Variants in CACNA2D2 observed in about 807,000 individuals in gnomAD.
The protein encoded by CACNA2D2 is calcium voltage-gated channel auxiliary subunit alpha2delta 2.
A neutral mutation model predicts 166.4 loss-of-function variants in CACNA2D2; 48 were observed. That is an observed-to-expected ratio of 0.29 (90% CI 0.23 to 0.37). CACNA2D2 has a LOEUF of 0.37. CACNA2D2 is among the 10% of genes least tolerant of loss of function. CACNA2D2 has a pLI of 1.00. For synonymous variants in CACNA2D2, 561 were observed against 573.7 expected (o/e 0.98, Z 0.32); for missense variants, 1,122 against 1,433.0 (o/e 0.78, Z 3.50).
intron 3 of CACNA2D2, among the ~76,000 whole-genome samples, chr3:50,409,794 CTGGCTGGCTG>C (rs1482609503): frequency 6.6e-6 from 1 of 152,202 alleles, no homozygotes; most frequent in Non-Finnish European, 1.5e-5. Context: ...AAGTGGGCCT[CTGGCTGGCTG>C]TGGATCAGAC....
intron 1 of CACNA2D2, among the ~76,000 whole-genome samples, chr3:50,477,782 T>C (rs1206382159): frequency 6.6e-6 from 1 of 152,112 alleles, no homozygotes; most frequent in Non-Finnish European, 1.5e-5. Flanking sequence ...CCGGGAGCCA[T>C]GGGGTACAGG....
intron 2 of CACNA2D2, among the ~76,000 whole-genome samples, chr3:50,448,047 A>G (rs1268862347): frequency 6.6e-6 from 1 of 152,082 alleles, no homozygotes; most frequent in Non-Finnish European, 1.5e-5. Flanking sequence ...CAGGGCCTTG[A>G]GCCCTCTGAG....
At position 50,367,998 on chromosome 3, in the gene CACNA2D2, C is replaced by T; in HGVS notation, c.2144-96G>A. ...CTTAAGGCTCCACCAGGAGCCTCCTCCATGACCTGGCCCTGGCCCAGGCCC... is the reference window on the plus strand; with the variant it reads ...CTTAAGGCTCCACCAGGAGCCTCCTTCATGACCTGGCCCTGGCCCAGGCCC... On this transcript the variant is annotated intron_variant, in intron 24 of 37. Coordinates refer to ENST00000424201, the MANE Select transcript of CACNA2D2 (RefSeq NM_006030.4). This position sits in a 1 kb window ranked among gnomAD's most constrained non-coding sequence, Gnocchi z 6.5. 8.7e-7 allele frequency: 1 copy of T among 1,154,660 alleles called. No homozygotes were observed. Among genetic ancestry groups the T allele is most frequent in the Non-Finnish European group, 1.3e-6 (1 of 772,922 alleles). 71.5% of individuals were successfully genotyped at this position (1,154,660 alleles called of 1,614,324 possible).
intron 3 of CACNA2D2, among the ~76,000 whole-genome samples, chr3:50,422,571 C>A (rs1015419358): frequency 2.0e-5 from 3 of 152,198 alleles, no homozygotes; most frequent in Non-Finnish European, 4.4e-5. Context: ...AAATGTGAGA[C>A]CCCTTCTTTC....
chr3:50,379,252 G>T lies in CACNA2D2; in HGVS notation c.1153-53C>A. ...GCTCTCAGCCCTCCCTGGTCCAGGG[G>T]CAGGGCCTCCCTCCCGCAGTGGGCC... On this transcript the variant is annotated intron_variant, in intron 11 of 37. Transcript: ENST00000424201. This position sits in a 1 kb window ranked among gnomAD's most constrained non-coding sequence, Gnocchi z 6.5. The T allele has an allele frequency of 6.6e-7, 1 of 1,515,886 alleles. No homozygotes were observed. The highest frequency in any genetic ancestry group is 9.2e-7 in the Non-Finnish European group (1 of 1,092,012). 93.9% of individuals were successfully genotyped at this position (1,515,886 alleles called of 1,614,324 possible).
intron 2 of CACNA2D2, among the ~76,000 whole-genome samples, chr3:50,443,032 G>T (rs919024705): frequency 8.5e-5 from 13 of 152,182 alleles, no homozygotes; most frequent in Admixed American, 1.3e-4. Context: ...CAAACCGCAG[G>T]CAAGAACCAG....
rs779101863 is a variant in CACNA2D2, at chr3:50,367,912, G to T, written c.2144-10C>A. The T allele has an allele frequency of 7.2e-6, 11 of 1,529,830 alleles. No homozygotes were observed. The Admixed American group carries it at 1.4e-4, about 19-fold the overall frequency. 94.8% of individuals were successfully genotyped at this position (1,529,830 alleles called of 1,614,324 possible). A position where few individuals can be genotyped will look rare whatever the true frequency, so the allele number is the denominator to read the frequency against. On this transcript the variant is annotated splice_polypyrimidine_tract_variant and intron_variant, in intron 24 of 37. Coordinates refer to ENST00000424201, the MANE Select transcript of CACNA2D2 (RefSeq NM_006030.4). This position sits in a 1 kb window ranked among gnomAD's most constrained non-coding sequence, Gnocchi z 6.5. The stretch of plus-strand genomic sequence containing the variant: ...AGAAGGAAGTTGTTGCCTGGAACAG[G>T]AGGGGAGGGGTGGGGGTGGGGGCAT...
Position 50,390,061 on chromosome 3 carries a change from C to T in CACNA2D2, c.466-2449G>A, listed in dbSNP as rs587624091. Among the ~76,000 whole-genome samples, 6 of 152,234 alleles carry T rather than the reference C, an allele frequency of 3.9e-5. No individual in the cohort carries two copies. The East Asian group carries it at 1.2e-3, about 29-fold the overall frequency. On this transcript the variant is annotated intron_variant, in intron 4 of 37. Transcript: ENST00000424201. The stretch of plus-strand genomic sequence containing the variant: ...AGGCCTCTGTCTGCTTGGGCCAACA[C>T]AGTACCTGAATGTCTATCAGCAGTG...
chr3:50,411,091 CTGTGGCTCCAGGACCTAT>C (rs1706991968), intron 3 of CACNA2D2, among the ~76,000 whole-genome samples: 2 of 152,192 alleles, frequency 1.3e-5, no homozygotes, highest in Non-Finnish European at 2.9e-5. Context: ...GCTCACTGGG[CTGTGGCTCCAGGACCTAT>C]AGGCTCCACC....
chr3:50,447,777 C>T (rs1300443642), intron 2 of CACNA2D2, among the ~76,000 whole-genome samples: 2 of 152,176 alleles, frequency 1.3e-5, no homozygotes, highest in African/African-American at 2.4e-5. Flanking sequence ...CAGAACTCCA[C>T]ACCCCAGGCC....
chr3:50,370,437 G>A, intron 22 of CACNA2D2, 57 bp from the exon 23 acceptor site: 1 of 540,560 alleles, frequency 1.8e-6, no homozygotes. Context: ...AGGCCGGGGG[G>A]CTCAGAGCTG....
rs773135070 is a variant in CACNA2D2 at position 50,367,367 on chromosome 3, T to C, written c.2401+27A>G. On this transcript the variant is annotated intron_variant, in intron 27 of 37. Coordinates refer to ENST00000424201, the MANE Select transcript of CACNA2D2 (RefSeq NM_006030.4). This position sits in a 1 kb window ranked among gnomAD's most constrained non-coding sequence, Gnocchi z 6.5. ...AGGGAAGCTGAGGCTCCCTGCCTGC[T>C]GCTGGGCACACTGCGGGGACACTCA... The C allele has an allele frequency of 1.3e-6, 2 of 1,597,924 alleles. No individual in the cohort carries two copies. The highest frequency in any genetic ancestry group is 2.7e-5 in the African/African-American group (2 of 74,734).
In CACNA2D2 at chr3:50,367,836, A is replaced by G. The variant is rs1402627634; in HGVS notation, c.2210T>C (p.Val737Ala). Residue 737 changes from valine (V) to alanine (A), a missense_variant, in exon 25 of 38, where the codon GTG (valine) becomes GCG (alanine). Val to Ala is a moderately conservative substitution (Grantham distance 64, BLOSUM62 0). Around this residue, in one of 2 missense-constraint regions of CACNA2D2, gnomAD observed 840 missense variants for 1,166.8 expected, o/e 0.72. Transcript: ENST00000424201. The surrounding 1 kb of genome is among the most constrained non-coding windows in gnomAD (Gnocchi z 6.5). The stretch of plus-strand genomic sequence containing the variant: ...CGTGTTGAGATCCTGGTCCCTCCAC[A>G]CACGCTCTACCAGCTGCTGCGTGAT... Reference protein sequence around the residue: ...TGITQQLVERVWRDQDLNTYS... With the variant: ...TGITQQLVERAWRDQDLNTYS... 1 of 1,584,402 alleles carries G rather than the reference A, an allele frequency of 6.3e-7. No homozygotes were observed. Among genetic ancestry groups the G allele is most frequent in the African/African-American group, 1.4e-5 (1 of 72,374 alleles).
intron 2 of CACNA2D2, among the ~76,000 whole-genome samples, chr3:50,440,994 C>T (rs1708564993): frequency 6.6e-6 from 1 of 151,452 alleles, no homozygotes; most frequent in Non-Finnish European, 1.5e-5. Context: ...GCAGTAGCGC[C>T]AGGTGCAAAG....
In CACNA2D2 at chr3:50,376,077, A is replaced by G. The variant is rs1704968445; in HGVS notation, c.1701+37T>C. On this transcript the variant is annotated intron_variant, in intron 18 of 37. Transcript: ENST00000424201. This position sits in a 1 kb window ranked among gnomAD's most constrained non-coding sequence, Gnocchi z 4.3. ...GGAAGTCAGAAGTCCCCATTGTGGA[A>G]GGTTTGCCCACCCTCCAGGCCACCC... 1 of 1,613,068 alleles carries G rather than the reference A, an allele frequency of 6.2e-7. No homozygotes were observed. The highest frequency in any genetic ancestry group is 1.1e-5 in the South Asian group (1 of 91,078).
intron 2 of CACNA2D2, among the ~76,000 whole-genome samples, chr3:50,449,532 T>A (rs1444134603): frequency 6.6e-6 from 1 of 152,052 alleles, no homozygotes; most frequent in African/African-American, 2.4e-5. Flanking sequence ...AGGGGGTGAC[T>A]GTGGATTTTA....
chr3:50,399,555 C>A (rs1706339207), intron 3 of CACNA2D2, among the ~76,000 whole-genome samples: 1 of 152,094 alleles, frequency 6.6e-6, no homozygotes, highest in South Asian at 2.1e-4. Context: ...CAGGATATCA[C>A]CAGGTGTGGT....
At chr3:50,493,198 T>C (rs954023191) in intron 1 of CACNA2D2, among the ~76,000 whole-genome samples, 1 of 152,198 alleles carries the variant, frequency 6.6e-6, no homozygotes, top group Admixed American at 6.5e-5. Context: ...CATCACTCCC[T>C]GCCTTCTGCA....
chr3:50,451,654 C>G (rs1559962243), intron 2 of CACNA2D2, among the ~76,000 whole-genome samples: 1 of 152,202 alleles, frequency 6.6e-6, no homozygotes, highest in Non-Finnish European at 1.5e-5. Context: ...ACAGACTTAG[C>G]CCATGTCTCC....
Sources: gnomAD v4.1 joint callset for allele counts (sites outside exome capture counted in the v4.1 genomes callset) on GRCh38, gnomAD v4.1.1 for gene constraint, gnomAD v4.1.1 regional missense constraint, Gnocchi (gnomAD v3.1) non-coding constraint, MANE v1.5 for transcripts, NCBI Gene and HGNC (gene_info 2026-07-23, HGNC 2026-07-21) for gene names.